Variants in ARL15 observed in about 807,000 individuals in gnomAD.
ARL15 encodes ARF like GTPase 15.
ARL15 carries 19 observed loss-of-function variants against 25.2 expected under a neutral mutation model. The observed-to-expected ratio is 0.75, with a 90% CI of 0.53 to 1.10. The LOEUF is 1.10. ARL15 is among the 50% of genes least tolerant of loss of function. The probability of loss-of-function intolerance (pLI) is 0.00; values close to 1 mark genes in which losing one functional copy is unlikely to be tolerated. For missense variants in ARL15, 220 were observed against 246.0 expected (o/e 0.89, Z 0.71); for synonymous variants, 94 against 86.8 (o/e 1.08, Z -0.46).
intron 4 of ARL15, among the ~76,000 whole-genome samples, chr5:54,039,023 T>C (rs1750253939): frequency 6.6e-6 from 1 of 152,204 alleles, no homozygotes; most frequent in Admixed American, 6.5e-5. Flanking sequence ...AATGAAGTGC[T>C]GAGATTGCCA....
intron 4 of ARL15, among the ~76,000 whole-genome samples, chr5:53,960,849 T>G (rs702640): frequency 0.47 from 71,055 of 151,968 alleles, 16,933 homozygotes; most frequent in Middle Eastern, 0.6. Flanking sequence ...TATTAAAAGA[T>G]AACAGGTCAC....
chr5:54,143,443 A>G (rs979251679), intron 3 of ARL15, among the ~76,000 whole-genome samples: 1 of 151,430 alleles, frequency 6.6e-6, no homozygotes, highest in South Asian at 2.1e-4. Context: ...ATCATTTCCT[A>G]TATATATTTT....
At chr5:53,971,317 A>G (rs1747742555) in intron 4 of ARL15, among the ~76,000 whole-genome samples, 1 of 152,148 alleles carries the variant, frequency 6.6e-6, no homozygotes, top group Non-Finnish European at 1.5e-5. Context: ...GGAAATTTGT[A>G]ATGTATTTGA....
intron 4 of ARL15, among the ~76,000 whole-genome samples, chr5:53,927,092 G>A (rs1047732822): frequency 2.0e-5 from 3 of 152,024 alleles, no homozygotes; most frequent in Admixed American, 1.3e-4. Context: ...GTGGCATTAA[G>A]TACACTCACA....
At chr5:54,049,590 C>T (rs78578120) in intron 4 of ARL15, among the ~76,000 whole-genome samples, 8,607 of 151,244 alleles carry the variant, frequency 0.057, 683 homozygotes, top group African/African-American at 0.18. Context: ...TTTGGTGACA[C>T]AGAGGTTTTG....
At chr5:54,240,780 C>G (rs568555658) in intron 1 of ARL15, among the ~76,000 whole-genome samples, 1 of 152,216 alleles carries the variant, frequency 6.6e-6, no homozygotes, top group Non-Finnish European at 1.5e-5. Flanking sequence ...CACAAAGCTC[C>G]GAAATCTGAA....
At chr5:53,988,019 C>A (rs1313770129) in intron 4 of ARL15, among the ~76,000 whole-genome samples, 2 of 152,060 alleles carry the variant, frequency 1.3e-5, no homozygotes, top group African/African-American at 4.8e-5. Context: ...AGGAGAATGG[C>A]ATGAACCCGG....
intron 4 of ARL15, among the ~76,000 whole-genome samples, chr5:53,888,288 T>G (rs1369955027): frequency 6.6e-6 from 1 of 151,988 alleles, no homozygotes; most frequent in African/African-American, 2.4e-5. Context: ...TTTATTTTTA[T>G]TTTTTTAGAT....
intron 4 of ARL15, among the ~76,000 whole-genome samples, chr5:53,901,273 T>C (rs72763133): frequency 0.086 from 13,089 of 152,244 alleles, 696 homozygotes; most frequent in Non-Finnish European, 0.13. Flanking sequence ...ATCTTCTGTA[T>C]TTGGGGTAAT....
At chr5:54,060,927 A>G (rs1751043097) in intron 4 of ARL15, among the ~76,000 whole-genome samples, 2 of 152,194 alleles carry the variant, frequency 1.3e-5, no homozygotes, top group Admixed American at 1.3e-4. Flanking sequence ...AGTTTGAAAA[A>G]TTTGCAGCCT....
intron 4 of ARL15, among the ~76,000 whole-genome samples, chr5:53,921,129 T>C (rs1402889365): frequency 1.3e-5 from 2 of 152,190 alleles, no homozygotes; most frequent in Non-Finnish European, 2.9e-5. Flanking sequence ...ATTACTCTAA[T>C]ACAGAAACAT....
chr5:54,293,877 G>T (rs1389377535), intron 1 of ARL15, among the ~76,000 whole-genome samples: 1 of 152,040 alleles, frequency 6.6e-6, no homozygotes, highest in Non-Finnish European at 1.5e-5. Flanking sequence ...TCGCCAGGCT[G>T]GAATGCAGTG....
At chr5:54,114,090 TAAAC>T (rs370129747) in intron 3 of ARL15, among the ~76,000 whole-genome samples, 6,373 of 151,850 alleles carry the variant, frequency 0.042, 129 homozygotes, top group Non-Finnish European at 0.058. Context: ...AACAAACAAA[TAAAC>T]AAACAAACAA....
chr5:54,132,883 G>A (rs1753480443), intron 3 of ARL15, among the ~76,000 whole-genome samples: 1 of 152,030 alleles, frequency 6.6e-6, no homozygotes, highest in Admixed American at 6.6e-5. Context: ...TTATTACCAA[G>A]GTCTTTATGA....
At chr5:53,947,523 G>C (rs562992616) in intron 4 of ARL15, among the ~76,000 whole-genome samples, 18 of 152,076 alleles carry the variant, frequency 1.2e-4, no homozygotes, top group Non-Finnish European at 2.4e-4. Flanking sequence ...TGAATATGTA[G>C]AGCAAACCCT....
At chr5:54,000,563 G>C (rs1748819453) in intron 4 of ARL15, among the ~76,000 whole-genome samples, 1 of 152,108 alleles carries the variant, frequency 6.6e-6, no homozygotes, top group South Asian at 2.1e-4. Context: ...ACCCTGGATG[G>C]CAAATCCTGC....
intron 4 of ARL15, among the ~76,000 whole-genome samples, chr5:53,996,939 T>G (rs1301773274): frequency 6.6e-6 from 1 of 152,218 alleles, no homozygotes; most frequent in Non-Finnish European, 1.5e-5. Flanking sequence ...TTTTTACAGA[T>G]GGGAAGAAAG....
At chr5:54,072,224 T>C (rs766945919) in intron 4 of ARL15, among the ~76,000 whole-genome samples, 24 of 152,260 alleles carry the variant, frequency 1.6e-4, no homozygotes, top group Non-Finnish European at 2.9e-4. Flanking sequence ...AACAAAACAG[T>C]TCCCCATCAT....
intron 1 of ARL15, among the ~76,000 whole-genome samples, chr5:54,285,734 A>C (rs1758164121): frequency 6.6e-6 from 1 of 152,208 alleles, no homozygotes; most frequent in African/African-American, 2.4e-5. Flanking sequence ...GGGAGCAGTA[A>C]AACCCCTTCG....
Sources: gnomAD v4.1 joint callset for allele counts (sites outside exome capture counted in the v4.1 genomes callset) on GRCh38, gnomAD v4.1.1 for gene constraint, MANE v1.5 for transcripts, NCBI Gene and HGNC (gene_info 2026-07-23, HGNC 2026-07-21) for gene names.